The following PDE10A variants were observed in gnomAD, a reference collection of about 807,000 sequenced individuals.
PDE10A encodes cAMP and cAMP-inhibited cGMP 3',5'-cyclic phosphodiesterase 10A.
A neutral mutation model predicts 97.7 loss-of-function variants in PDE10A; 39 were observed. The observed-to-expected ratio is 0.40, with a 90% CI of 0.31 to 0.52. The LOEUF is 0.52. Among genes scored for constraint, PDE10A ranks in the 20% least tolerant of loss-of-function variants. The probability of loss-of-function intolerance (pLI) is 0.56; values close to 1 mark genes in which losing one functional copy is unlikely to be tolerated. For synonymous variants in PDE10A, 371 were observed against 376.8 expected (o/e 0.98, Z 0.18); for missense variants, 731 against 1,047.8 (o/e 0.70, Z 4.17).
At chr6:165,932,111 C>G (rs896230461) in intron 1 of PDE10A, among the ~76,000 whole-genome samples, 1 of 152,116 alleles carries the variant, frequency 6.6e-6, no homozygotes, top group African/African-American at 2.4e-5. Flanking sequence ...GACGATATAC[C>G]GCCCGCTGAA....
chr6:165,449,324 CAA>C (rs1791109913), intron 4 of PDE10A, among the ~76,000 whole-genome samples: 1 of 152,126 alleles, frequency 6.6e-6, no homozygotes, highest in African/African-American at 2.4e-5. Flanking sequence ...TAAAATACCA[CAA>C]GTGATATTTA....
rs140240009 is a variant in PDE10A, at chr6:165,784,133, G to A, written c.-615+203396C>T. Among the ~76,000 whole-genome samples the A allele has an allele frequency of 8.2e-3, 1,249 of 151,652 alleles. 11 individuals are homozygous for A. Among genetic ancestry groups the A allele is most frequent in the African/African-American group, 0.025 (1,054 of 41,352 alleles). ...CTCGGGAGGCTGAGGCAGGAGAATC[G>A]CTTGAACCTGGGAGGCGGGGAGGTT... is the stretch of plus-strand genomic sequence containing the variant. On this transcript the variant is annotated intron_variant, in intron 1 of 19. Transcript: ENST00000366882.
intron 13 of PDE10A, among the ~76,000 whole-genome samples, chr6:165,402,323 A>G (rs1050687253): frequency 1.3e-5 from 2 of 152,074 alleles, no homozygotes; most frequent in Non-Finnish European, 2.9e-5. Flanking sequence ...TAGGTAAATA[A>G]CACTAATTAC....
chr6:165,749,948 C>G (rs1429093236), intron 1 of PDE10A, among the ~76,000 whole-genome samples: 1 of 152,218 alleles, frequency 6.6e-6, no homozygotes, highest in Non-Finnish European at 1.5e-5. Flanking sequence ...CAATGCACCT[C>G]ATGGATTGTG....
intron 1 of PDE10A, among the ~76,000 whole-genome samples, chr6:165,905,510 GT>G (rs1482813096): frequency 6.6e-6 from 1 of 151,960 alleles, no homozygotes; most frequent in Admixed American, 6.6e-5. Flanking sequence ...CAATAGCATG[GT>G]TATACTTGTA....
At chr6:165,809,748 C>T (rs977303623) in intron 1 of PDE10A, among the ~76,000 whole-genome samples, 23 of 152,218 alleles carry the variant, frequency 1.5e-4, no homozygotes, top group African/African-American at 5.5e-4. Context: ...TGCATGGTCC[C>T]TTCCCAGCCC....
intron 13 of PDE10A, among the ~76,000 whole-genome samples, chr6:165,404,601 G>C (rs1355107392): frequency 6.6e-6 from 1 of 151,984 alleles, no homozygotes; most frequent in African/African-American, 2.4e-5. Context: ...ACATATATCT[G>C]AGCATGAGGG....
intron 1 of PDE10A, among the ~76,000 whole-genome samples, chr6:165,867,385 G>A (rs928296562): frequency 4.6e-5 from 7 of 151,572 alleles, no homozygotes; most frequent in Admixed American, 2.0e-4. Flanking sequence ...ACTTCTATCA[G>A]GCAAAATATA....
intron 3 of PDE10A, among the ~76,000 whole-genome samples, chr6:165,455,958 C>A (rs761080626): frequency 2.6e-5 from 4 of 152,178 alleles, no homozygotes; most frequent in Non-Finnish European, 4.4e-5. Flanking sequence ...ACATAAAAAT[C>A]ATGAACACTT....
intron 1 of PDE10A, among the ~76,000 whole-genome samples, chr6:165,568,254 C>T (rs1345386472): frequency 6.6e-6 from 1 of 152,132 alleles, no homozygotes; most frequent in East Asian, 1.9e-4. Flanking sequence ...CCGCCTCGGC[C>T]TCCCAAAGTG....
chr6:165,375,511 C>T (rs1784556653), intron 18 of PDE10A, among the ~76,000 whole-genome samples: 1 of 152,124 alleles, frequency 6.6e-6, no homozygotes, highest in Non-Finnish European at 1.5e-5. Context: ...AGGTTTAAAG[C>T]AAGGTAAAAA....
intron 1 of PDE10A, among the ~76,000 whole-genome samples, chr6:165,813,822 A>G (rs1779342047): frequency 6.6e-6 from 1 of 152,038 alleles, no homozygotes; most frequent in African/African-American, 2.4e-5. Flanking sequence ...CGTCATAGAC[A>G]CTCATTGAGA....
chr6:165,890,305 G>GGAA (rs1364697953), intron 1 of PDE10A, among the ~76,000 whole-genome samples: 6 of 152,116 alleles, frequency 3.9e-5, no homozygotes, highest in Non-Finnish European at 5.9e-5. Context: ...ACACCGCGGA[G>GGAA]GAAGACAGGA....
At chr6:165,626,628 T>A (rs1175808068) in intron 1 of PDE10A, among the ~76,000 whole-genome samples, 1 of 152,174 alleles carries the variant, frequency 6.6e-6, no homozygotes, top group Non-Finnish European at 1.5e-5. Context: ...ACTATTAATG[T>A]GTTAGGAAAG....
intron 1 of PDE10A, among the ~76,000 whole-genome samples, chr6:165,582,658 G>A (rs1478555564): frequency 1.3e-5 from 2 of 151,448 alleles, no homozygotes; most frequent in Non-Finnish European, 2.9e-5. Context: ...ATGGATTCAA[G>A]GGTCATGAGA....
chr6:165,529,232 G>A (rs755308023), intron 2 of PDE10A, among the ~76,000 whole-genome samples: 4 of 152,202 alleles, frequency 2.6e-5, no homozygotes, highest in Non-Finnish European at 5.9e-5. Context: ...CTATCAAGAT[G>A]AAATCAGTCT....
chr6:165,642,001 G>C (rs1321625172), intron 1 of PDE10A, among the ~76,000 whole-genome samples: 1 of 134,810 alleles, frequency 7.4e-6, no homozygotes, highest in African/African-American at 2.8e-5. Context: ...GCCCATTCGG[G>C]GCGTGGAATC....
At chr6:165,573,098 C>A (rs558900573) in intron 1 of PDE10A, among the ~76,000 whole-genome samples, 1 of 152,118 alleles carries the variant, frequency 6.6e-6, no homozygotes, top group African/African-American at 2.4e-5. Context: ...GATATAGGCA[C>A]CTTGGTCTGC....
At chr6:165,446,206 C>A (rs112834983) in intron 5 of PDE10A, among the ~76,000 whole-genome samples, 1 of 152,074 alleles carries the variant, frequency 6.6e-6, no homozygotes. Flanking sequence ...TTCCAAGGAG[C>A]GGGTGAAATG....
Sources: gnomAD v4.1 joint callset for allele counts (sites outside exome capture counted in the v4.1 genomes callset) on GRCh38, gnomAD v4.1.1 for gene constraint, MANE v1.5 for transcripts, NCBI Gene and HGNC (gene_info 2026-07-23, HGNC 2026-07-21) for gene names.